The following IL1RAPL2 variants were observed in gnomAD, a reference collection of about 807,000 sequenced individuals.
IL1RAPL2 encodes interleukin 1 receptor accessory protein like 2.
In IL1RAPL2, 3 loss-of-function variants were observed where a neutral mutation model predicts 44.1. The ratio of observed to expected loss-of-function variants is 0.07; its 90% CI spans 0.03 to 0.18. The LOEUF (loss-of-function observed/expected upper bound fraction) is 0.18, where lower values mean the gene tolerates loss of function less well. IL1RAPL2 is among the 10% of genes least tolerant of loss of function. IL1RAPL2 has a pLI of 1.00. For missense variants in IL1RAPL2, 391 were observed against 496.4 expected (o/e 0.79, Z 2.02); for synonymous variants, 181 against 178.8 (o/e 1.01, Z -0.10).
Position 104,790,135 on chromosome X carries a change from CA to C in IL1RAPL2, c.82+131147del, listed in dbSNP as rs772430838. ...TCAAGCTGTAATTCAATAATAAATA[CA>C]AAAAAATTTTTGTTTAAATAAATCT... is the stretch of plus-strand genomic sequence containing the variant. On this transcript the variant is annotated intron_variant, in intron 2 of 10. Coordinates refer to ENST00000372582, the MANE Select transcript of IL1RAPL2 (RefSeq NM_017416.2). Among the ~76,000 whole-genome samples, 20 of 111,733 alleles carry C rather than the reference CA, an allele frequency of 1.8e-4. 1 individual carries two copies. In the South Asian group the frequency reaches 6.8e-3, roughly 38 times the overall value.
chrX:105,539,756 A>T (rs1458827053), intron 6 of IL1RAPL2, among the ~76,000 whole-genome samples: 1 of 111,910 alleles, frequency 8.9e-6, no homozygotes, highest in African/African-American at 3.2e-5. Flanking sequence ...GGGAGAAAAT[A>T]TTTGCAAACT....
intron 6 of IL1RAPL2, among the ~76,000 whole-genome samples, chrX:105,542,670 T>C: frequency 1.1e-5 from 1 of 92,888 alleles, no homozygotes; most frequent in Admixed American, 1.1e-4. Context: ...TAGATTCTCT[T>C]TTTTTTTTAT....
intron 2 of IL1RAPL2, among the ~76,000 whole-genome samples, chrX:104,739,882 G>C (rs1479178046): frequency 9.0e-6 from 1 of 111,012 alleles, no homozygotes; most frequent in African/African-American, 3.3e-5. Flanking sequence ...TGTTGTTTTA[G>C]AGCATTATAT....
intron 2 of IL1RAPL2, among the ~76,000 whole-genome samples, chrX:104,952,624 A>T (rs1925614832): frequency 9.0e-6 from 1 of 111,678 alleles, no homozygotes; most frequent in South Asian, 3.7e-4. Context: ...CAGTTAAAGG[A>T]TATTACCTAT....
At chrX:105,036,942 C>A (rs1404854765) in intron 2 of IL1RAPL2, among the ~76,000 whole-genome samples, 1 of 111,551 alleles carries the variant, frequency 9.0e-6, no homozygotes, top group Non-Finnish European at 1.9e-5. Context: ...ATTGACTTGT[C>A]TAGAGAAAGT....
chrX:105,449,090 G>C (rs776186421), intron 5 of IL1RAPL2, among the ~76,000 whole-genome samples: 17 of 111,201 alleles, frequency 1.5e-4, no homozygotes, highest in African/African-American at 4.9e-4. Flanking sequence ...TGTTTTCCTG[G>C]ATGGTGTTAA....
chrX:104,922,373 T>G (rs1429334408), intron 2 of IL1RAPL2, among the ~76,000 whole-genome samples: 4 of 112,665 alleles, frequency 3.6e-5, no homozygotes, highest in Non-Finnish European at 7.5e-5. Flanking sequence ...TACTGGCCAC[T>G]AGGGTGAACT....
intron 1 of IL1RAPL2, among the ~76,000 whole-genome samples, chrX:104,614,881 T>A (rs1338331657): frequency 8.9e-6 from 1 of 111,819 alleles, no homozygotes; most frequent in Non-Finnish European, 1.9e-5. Context: ...TCATTACATT[T>A]ATATGTGAGA....
intron 6 of IL1RAPL2, among the ~76,000 whole-genome samples, chrX:105,584,845 TG>T (rs1470940870): frequency 5.4e-5 from 6 of 111,357 alleles, no homozygotes; most frequent in Non-Finnish European, 9.4e-5. Flanking sequence ...TTTTTTTCAA[TG>T]TTTTTTGTTC....
intron 1 of IL1RAPL2, among the ~76,000 whole-genome samples, chrX:104,569,678 C>T (rs934509525): frequency 2.7e-5 from 3 of 112,739 alleles, no homozygotes; most frequent in Non-Finnish European, 5.6e-5. Flanking sequence ...ATAAACTTCA[C>T]TTTATCAAAT....
chrX:104,899,735 C>T lies in IL1RAPL2; in HGVS notation c.82+240740C>T, dbSNP rs189424710. On this transcript the variant is annotated intron_variant, in intron 2 of 10. Transcript: ENST00000372582. ...TAAACCATTTCTGTGCCTAGAATGC[C>T]CTCTCTCCTCTTCAGAACCATCCAA... 4.7e-4 allele frequency among the ~76,000 whole-genome samples: 53 copies of T among 111,710 alleles called. 3 individuals are homozygous for T. The East Asian group carries it at 4.8e-3, about 10-fold the overall frequency.
chrX:105,644,319 C>T (rs994025545), intron 6 of IL1RAPL2, among the ~76,000 whole-genome samples: 1 of 111,370 alleles, frequency 9.0e-6, no homozygotes. Context: ...GATGGCAGCT[C>T]AGAAGTTGAT....
At chrX:105,533,451 T>A (rs2147794059) in intron 6 of IL1RAPL2, among the ~76,000 whole-genome samples, 1 of 111,987 alleles carries the variant, frequency 8.9e-6, no homozygotes, top group African/African-American at 3.2e-5. Context: ...ATTCTGACTT[T>A]ACCAGTTGTG....
At chrX:104,597,797 A>T (rs1872870256) in intron 1 of IL1RAPL2, among the ~76,000 whole-genome samples, 1 of 112,076 alleles carries the variant, frequency 8.9e-6, no homozygotes, top group Non-Finnish European at 1.9e-5. Context: ...GGTGCCAATC[A>T]TGAGAGGCAC....
At chrX:105,663,192 C>G (rs1314061035) in intron 6 of IL1RAPL2, among the ~76,000 whole-genome samples, 1 of 111,328 alleles carries the variant, frequency 9.0e-6, no homozygotes, top group Non-Finnish European at 1.9e-5. Flanking sequence ...AATTGCTTAA[C>G]CTAGAAATAT....
At chrX:105,542,692 TTTA>T (rs1380756777) in intron 6 of IL1RAPL2, among the ~76,000 whole-genome samples, 2 of 65,670 alleles carry the variant, frequency 3.0e-5, no homozygotes, top group Admixed American at 1.4e-4. Flanking sequence ...TTTTATATTT[TTTA>T]TTTATTTATT....
At chrX:104,985,740 A>G (rs1253701408) in intron 2 of IL1RAPL2, among the ~76,000 whole-genome samples, 1 of 111,812 alleles carries the variant, frequency 8.9e-6, no homozygotes, top group Admixed American at 9.5e-5. Context: ...AATATATAAC[A>G]TTTTTCCCCT....
chrX:105,362,139 T>C (rs2035252265), intron 5 of IL1RAPL2, among the ~76,000 whole-genome samples: 1 of 111,992 alleles, frequency 8.9e-6, no homozygotes, highest in African/African-American at 3.2e-5. Flanking sequence ...TCCTTAAAGC[T>C]TTTCAACTTA....
chrX:105,583,049 C>T lies in IL1RAPL2; in HGVS notation c.772+98662C>T, dbSNP rs1289287342. ...TTGAACATAATTGGTATTATTTTTT[C>T]TTAAATTTTAGGGAAATTAACCAAT... On this transcript the variant is annotated intron_variant, in intron 6 of 10. Transcript: ENST00000372582. Among the ~76,000 whole-genome samples, 5 of 109,540 alleles carry T rather than the reference C, an allele frequency of 4.6e-5. No homozygotes were observed. The Admixed American group carries it at 4.9e-4, about 11-fold the overall frequency.
Sources: allele counts gnomAD v4.1 joint callset (sites outside exome capture counted in the v4.1 genomes callset), GRCh38; gene constraint gnomAD v4.1.1; transcripts MANE v1.5; gene names NCBI Gene and HGNC (gene_info 2026-07-23, HGNC 2026-07-21).